HS3ST5: variants seen among roughly 807,000 people sequenced by gnomAD.
The protein encoded by HS3ST5 is heparan sulfate-glucosamine 3-sulfotransferase 5.
HS3ST5 carries 10 observed loss-of-function variants against 25.4 expected under a neutral mutation model. The ratio of observed to expected loss-of-function variants is 0.39; its 90% CI spans 0.24 to 0.67. The LOEUF is 0.67. Ranked by LOEUF, HS3ST5 falls within the 30% of genes least tolerant of loss-of-function variation. The pLI, the probability that HS3ST5 is intolerant of heterozygous loss-of-function variation, is 0.44. For missense variants in HS3ST5, 324 were observed against 420.7 expected (o/e 0.77, Z 2.01); for synonymous variants, 170 against 162.4 (o/e 1.05, Z -0.36).
At chr6:114,254,704 G>T (rs929904759) in intron 1 of HS3ST5, among the ~76,000 whole-genome samples, 1 of 152,144 alleles carries the variant, frequency 6.6e-6, no homozygotes, top group Non-Finnish European at 1.5e-5. Flanking sequence ...GTCTTACATG[G>T]CAATGGGCAA....
intron 3 of HS3ST5, chr6:114,084,249 A>T (rs1449813965): frequency 1.0e-6 from 1 of 994,182 alleles, no homozygotes; most frequent in Non-Finnish European, 1.6e-6. Context: ...TGGCAGGCTG[A>T]GCACTCCAAT....
intron 1 of HS3ST5, among the ~76,000 whole-genome samples, chr6:114,325,947 G>T (rs1776156092): frequency 6.6e-6 from 1 of 152,166 alleles, no homozygotes; most frequent in Admixed American, 6.5e-5. Flanking sequence ...AGGCTATGTT[G>T]GTGAACAAAA....
At chr6:114,301,022 G>C (rs933837198) in intron 1 of HS3ST5, among the ~76,000 whole-genome samples, 3 of 152,198 alleles carry the variant, frequency 2.0e-5, no homozygotes, top group South Asian at 2.1e-4. Context: ...TCTGAAAAGT[G>C]ACTCTAACGG....
chr6:114,087,123 ACTT>A, intron 3 of HS3ST5, among the ~76,000 whole-genome samples: 1 of 152,234 alleles, frequency 6.6e-6, no homozygotes, highest in African/African-American at 2.4e-5. Flanking sequence ...AAGTGGAGCC[ACTT>A]TGCATTTAGC....
chr6:114,197,124 CTTTCT>C (rs1036951327), intron 2 of HS3ST5, among the ~76,000 whole-genome samples: 7 of 130,940 alleles, frequency 5.3e-5, no homozygotes, highest in African/African-American at 6.0e-5. Context: ...TTCTTTCTTT[CTTTCT>C]TTTTTTTTTT....
At chr6:114,202,419 A>G (rs550441388) in intron 2 of HS3ST5, among the ~76,000 whole-genome samples, 54 of 152,244 alleles carry the variant, frequency 3.5e-4, no homozygotes, top group African/African-American at 1.3e-3. Flanking sequence ...CCTCCCCTCT[A>G]AAATATAAGT....
intron 4 of HS3ST5, among the ~76,000 whole-genome samples, chr6:114,060,163 G>A (rs569728631): frequency 3.3e-4 from 50 of 152,128 alleles, no homozygotes; most frequent in Non-Finnish European, 6.2e-4. Flanking sequence ...ACAGGCGTGC[G>A]CCACCATACC....
intron 2 of HS3ST5, among the ~76,000 whole-genome samples, chr6:114,228,321 G>A (rs1771409329): frequency 6.6e-6 from 1 of 152,096 alleles, no homozygotes; most frequent in Admixed American, 6.5e-5. Context: ...GTATGTTAAT[G>A]CTTTGTAATG....
chr6:114,276,608 T>TA (rs1773863792), intron 1 of HS3ST5, among the ~76,000 whole-genome samples: 1 of 3,046 alleles, frequency 3.3e-4, no homozygotes, highest in Non-Finnish European at 6.5e-4. Flanking sequence ...TATGAGAGTG[T>TA]GGGAAAAAAA....
intron 1 of HS3ST5, among the ~76,000 whole-genome samples, chr6:114,325,445 A>G (rs1776135917): frequency 6.6e-6 from 1 of 152,174 alleles, no homozygotes; most frequent in Admixed American, 6.6e-5. Context: ...GGTGGGTTGG[A>G]TTTGGCAGAT....
intron 3 of HS3ST5, among the ~76,000 whole-genome samples, chr6:114,121,758 A>G (rs1776797984): frequency 1.3e-5 from 2 of 152,218 alleles, no homozygotes; most frequent in Non-Finnish European, 2.9e-5. Context: ...TTTTGTTATT[A>G]TCACATCATT....
In HS3ST5 at chr6:114,249,228, G is replaced by T. The variant is rs533923191; in HGVS notation, c.-338-20450C>A. On this transcript the variant is annotated intron_variant, in intron 1 of 4. Transcript: ENST00000312719. Reference sequence around the variant, plus strand: ...TGTCCATGTTTCTTTTATTAATAGAGATTCAGCACATATGCACTAATTAAT... The same window carrying T: ...TGTCCATGTTTCTTTTATTAATAGATATTCAGCACATATGCACTAATTAAT... Among the ~76,000 whole-genome samples the T allele has an allele frequency of 7.2e-5, 11 of 152,248 alleles. No individual in the cohort carries two copies. The South Asian group carries it at 2.3e-3, about 32-fold the overall frequency.
chr6:114,232,455 T>G (rs1247040636), intron 1 of HS3ST5, among the ~76,000 whole-genome samples: 1 of 152,140 alleles, frequency 6.6e-6, no homozygotes, highest in Non-Finnish European at 1.5e-5. Flanking sequence ...CCTCTCACAG[T>G]GCCAGGATTA....
intron 3 of HS3ST5, among the ~76,000 whole-genome samples, chr6:114,088,737 T>C (rs1774975388): frequency 6.6e-6 from 1 of 152,176 alleles, no homozygotes; most frequent in African/African-American, 2.4e-5. Flanking sequence ...TATGTGTGTA[T>C]ATATATACAT....
chr6:114,072,809 G>T (rs1562184779), intron 3 of HS3ST5, among the ~76,000 whole-genome samples: 1 of 152,098 alleles, frequency 6.6e-6, no homozygotes, highest in Non-Finnish European at 1.5e-5. Flanking sequence ...ATTTCATATG[G>T]AATCAAAAAA....
At chr6:114,254,424 G>A (rs1772807218) in intron 1 of HS3ST5, among the ~76,000 whole-genome samples, 1 of 152,222 alleles carries the variant, frequency 6.6e-6, no homozygotes, top group Non-Finnish European at 1.5e-5. Context: ...AGGCTATAAA[G>A]TCCAATGAAA....
rs60927880 is a variant in HS3ST5 at position 114,093,353 on chromosome 6, TTGTGTGTG to T, written c.-32-30484_-32-30477del. Among the ~76,000 whole-genome samples the T allele has an allele frequency of 6.7e-3, 894 of 134,296 alleles. 8 individuals carry two copies. Among genetic ancestry groups the T allele is most frequent in the East Asian group, 0.018 (79 of 4,482 alleles). 88.1% of individuals were successfully genotyped at this position (134,296 alleles called of 152,430 possible). ...CCTTGTATCTTTTTTGTTTGTTTGT[TTGTGTGTG>T]TGTGTGTGTGTGTGTGTGTGTGTGT... On this transcript the variant is annotated intron_variant, in intron 3 of 4. Coordinates refer to ENST00000312719, the MANE Select transcript of HS3ST5 (RefSeq NM_153612.4).
At chr6:114,310,267 A>G (rs780892691) in intron 1 of HS3ST5, among the ~76,000 whole-genome samples, 28 of 152,352 alleles carry the variant, frequency 1.8e-4, no homozygotes, top group South Asian at 4.1e-4. Context: ...GCTACTCAAT[A>G]AATGAATGAA....
At chr6:114,093,349 TTGTTTGTGTG>T (rs1775232614) in intron 3 of HS3ST5, among the ~76,000 whole-genome samples, 1 of 98,120 alleles carries the variant, frequency 1.0e-5, no homozygotes, top group African/African-American at 3.9e-5. Flanking sequence ...TTTTGTTTGT[TTGTTTGTGTG>T]TGTGTGTGTG....
Sources: gnomAD v4.1 joint callset for allele counts (sites outside exome capture counted in the v4.1 genomes callset) on GRCh38, gnomAD v4.1.1 for gene constraint, MANE v1.5 for transcripts, NCBI Gene and HGNC (gene_info 2026-07-23, HGNC 2026-07-21) for gene names.